Variants in CNTNAP2 observed in about 807,000 individuals in gnomAD.
CNTNAP2 encodes contactin associated protein 2.
A neutral mutation model predicts 155.2 loss-of-function variants in CNTNAP2; 98 were observed. The ratio of observed to expected loss-of-function variants is 0.63; its 90% CI spans 0.54 to 0.75. The LOEUF (loss-of-function observed/expected upper bound fraction) is 0.75, where lower values mean the gene tolerates loss of function less well. Among genes scored for constraint, CNTNAP2 ranks in the 30% least tolerant of loss-of-function variants. CNTNAP2 has a pLI of 0.00. For missense variants in CNTNAP2, 1,727 were observed against 1,688.1 expected, an observed-to-expected ratio of 1.02 and a Z score of -0.40; for synonymous variants, 651 against 631.2, an observed-to-expected ratio of 1.03 and a Z score of -0.47.
intron 21 of CNTNAP2, among the ~76,000 whole-genome samples, chr7:148,268,674 A>C (rs1405739329): frequency 6.6e-6 from 1 of 152,036 alleles, no homozygotes; most frequent in South Asian, 2.1e-4. Context: ...AATAATAATA[A>C]TAATGTGCAC....
At position 148,034,320 on chromosome 7, in the gene CNTNAP2, T is replaced by C. The variant is rs1290437715; in HGVS notation, c.2383+56331T>C. Among the ~76,000 whole-genome samples the C allele has an allele frequency of 3.3e-5, 5 of 152,108 alleles. No homozygotes were observed. In the East Asian group the frequency reaches 9.6e-4, roughly 29 times the overall value. Reference sequence around the variant, plus strand: ...TATGGTTTAATTGTTCCCCCCAAAGTGCATGTGTTGGAAGGTTGACCCCCA... The same window carrying C: ...TATGGTTTAATTGTTCCCCCCAAAGCGCATGTGTTGGAAGGTTGACCCCCA... On this transcript the variant is annotated intron_variant, in intron 15 of 23. Transcript: ENST00000361727.
chr7:146,655,045 A>G (rs1799972775), intron 1 of CNTNAP2, among the ~76,000 whole-genome samples: 1 of 152,316 alleles, frequency 6.6e-6, no homozygotes, highest in East Asian at 1.9e-4. Flanking sequence ...TATAGATTAT[A>G]TAATTATAAA....
chr7:147,044,426 G>T (rs184027514), intron 4 of CNTNAP2, among the ~76,000 whole-genome samples: 2 of 152,072 alleles, frequency 1.3e-5, no homozygotes, highest in East Asian at 3.9e-4. Context: ...ATGTATTTGG[G>T]TCTTTATTAT....
In CNTNAP2 at chr7:147,001,219, C is replaced by T. The variant is rs558931648; in HGVS notation, c.403-42688C>T. On this transcript the variant is annotated intron_variant, in intron 3 of 23. Transcript: ENST00000361727. ...GTACAGTCATCTTTTACTTGGTTTTCGTAGCTCTTGTGAGATATTTTTACC... is the reference window on the plus strand; with the variant it reads ...GTACAGTCATCTTTTACTTGGTTTTTGTAGCTCTTGTGAGATATTTTTACC... Among the ~76,000 whole-genome samples the T allele has an allele frequency of 1.4e-4, 21 of 152,040 alleles. No homozygotes were observed. In the South Asian group the frequency reaches 3.3e-3, roughly 24 times the overall value.
chr7:146,715,090 G>C (rs1239574439), intron 1 of CNTNAP2, among the ~76,000 whole-genome samples: 4 of 152,108 alleles, frequency 2.6e-5, no homozygotes, highest in Non-Finnish European at 5.9e-5. Flanking sequence ...CAGCACTTTG[G>C]GAGACTGAGG....
intron 1 of CNTNAP2, among the ~76,000 whole-genome samples, chr7:146,491,067 G>T (rs1251189612): frequency 6.6e-6 from 1 of 151,564 alleles, no homozygotes; most frequent in Non-Finnish European, 1.5e-5. Flanking sequence ...ATATGAAAAA[G>T]GCATAAAGAT....
intron 1 of CNTNAP2, among the ~76,000 whole-genome samples, chr7:146,208,984 T>G (rs1488818204): frequency 1.3e-5 from 2 of 151,998 alleles, no homozygotes; most frequent in Admixed American, 1.3e-4. Context: ...ACCTATATAA[T>G]GTAGGCAGGC....
intron 12 of CNTNAP2, among the ~76,000 whole-genome samples, chr7:147,628,641 C>A (rs182211907): frequency 8.6e-5 from 13 of 151,984 alleles, no homozygotes; most frequent in African/African-American, 2.9e-4. Flanking sequence ...TAATGTTGAA[C>A]GTAAATGGCC....
intron 2 of CNTNAP2, among the ~76,000 whole-genome samples, chr7:146,801,515 A>C (rs897114693): frequency 1.3e-5 from 2 of 152,222 alleles, no homozygotes; most frequent in African/African-American, 4.8e-5. Flanking sequence ...CAGGCATAAA[A>C]AGTTTCTATT....
chr7:147,737,691 G>A (rs758325966), intron 13 of CNTNAP2, among the ~76,000 whole-genome samples: 25 of 152,280 alleles, frequency 1.6e-4, no homozygotes, highest in African/African-American at 6.0e-4. Context: ...CGGCCACTTT[G>A]TTTACCTACT....
intron 1 of CNTNAP2, among the ~76,000 whole-genome samples, chr7:146,537,756 G>T (rs1797891484): frequency 6.6e-6 from 1 of 152,122 alleles, no homozygotes; most frequent in South Asian, 2.1e-4. Context: ...GTAAGTGCCT[G>T]AGGTAGGCAT....
At chr7:146,862,204 T>C (rs974704874) in intron 3 of CNTNAP2, among the ~76,000 whole-genome samples, 13 of 152,304 alleles carry the variant, frequency 8.5e-5, no homozygotes, top group Non-Finnish European at 1.9e-4. Flanking sequence ...ATTAATTCTG[T>C]ATTTTGAGGG....
intron 13 of CNTNAP2, among the ~76,000 whole-genome samples, chr7:147,856,634 T>C (rs1297331347): frequency 6.6e-6 from 1 of 151,992 alleles, no homozygotes; most frequent in East Asian, 1.9e-4. Flanking sequence ...TTTGGCTTTT[T>C]TTTTTTTTCT....
intron 1 of CNTNAP2, among the ~76,000 whole-genome samples, chr7:146,171,748 A>C: frequency 6.6e-6 from 1 of 152,208 alleles, no homozygotes; most frequent in Admixed American, 6.5e-5. Context: ...AACATATATA[A>C]TGTGTAAATT....
In CNTNAP2 at chr7:148,420,952, C is replaced by T. The variant is rs1192824167; in HGVS notation, c.*5336C>T. The T allele has an allele frequency of 1.3e-5, 2 of 152,440 alleles. No homozygotes were observed. The highest frequency in any genetic ancestry group is 4.2e-4 in the South Asian group (2 of 4,818). The allele number at this position is 152,440 out of a possible 1,614,324, so 9.4% of individuals were successfully genotyped here. A position where few individuals can be genotyped will look rare whatever the true frequency, so the allele number is the denominator to read the frequency against. On this transcript the variant is annotated 3_prime_UTR_variant, in exon 24 of 24. Coordinates refer to ENST00000361727, the MANE Select transcript of CNTNAP2 (RefSeq NM_014141.6). Reference sequence around the variant, plus strand: ...CATTTAACTAAAATTATATTAGAAACCAGATTGATAAATAAAAAATTCAAA... The same window carrying T: ...CATTTAACTAAAATTATATTAGAAATCAGATTGATAAATAAAAAATTCAAA...
At chr7:146,851,237 G>A (rs913234018) in intron 3 of CNTNAP2, among the ~76,000 whole-genome samples, 10 of 151,964 alleles carry the variant, frequency 6.6e-5, no homozygotes, top group Non-Finnish European at 8.8e-5. Flanking sequence ...CACTAGCCTC[G>A]GCCTCCCAGA....
At chr7:146,554,723 T>C (rs902597714) in intron 1 of CNTNAP2, among the ~76,000 whole-genome samples, 1 of 152,228 alleles carries the variant, frequency 6.6e-6, no homozygotes, top group African/African-American at 2.4e-5. Flanking sequence ...TTATTCACTG[T>C]AAACTCGGTG....
At chr7:147,094,284 T>C (rs1003983262) in intron 4 of CNTNAP2, among the ~76,000 whole-genome samples, 1 of 152,174 alleles carries the variant, frequency 6.6e-6, no homozygotes, top group Non-Finnish European at 1.5e-5. Context: ...CACTTAGGTA[T>C]ACCTTAAGAA....
chr7:146,724,977 G>A (rs1323735284), intron 1 of CNTNAP2, among the ~76,000 whole-genome samples: 1 of 152,146 alleles, frequency 6.6e-6, no homozygotes, highest in Admixed American at 6.5e-5. Flanking sequence ...ACAGTGTGGA[G>A]GTTAAAGTCT....
Sources: allele counts gnomAD v4.1 joint callset (sites outside exome capture counted in the v4.1 genomes callset), GRCh38; gene constraint gnomAD v4.1.1; transcripts MANE v1.5; gene names NCBI Gene and HGNC (gene_info 2026-07-23, HGNC 2026-07-21).